Variants in MLLT3 observed in about 807,000 individuals in gnomAD.
MLLT3 encodes MLLT3 super elongation complex subunit.
A neutral mutation model predicts 53.2 loss-of-function variants in MLLT3; 4 were observed. The ratio of observed to expected loss-of-function variants is 0.08; its 90% confidence interval spans 0.04 to 0.17. The LOEUF (loss-of-function observed/expected upper bound fraction) is 0.17. MLLT3 is among the 10% of genes least tolerant of loss of function. The probability of loss-of-function intolerance (pLI) is 1.00; values close to 1 mark genes in which losing one functional copy is unlikely to be tolerated. For missense variants in MLLT3, 569 were observed against 684.0 expected (o/e 0.83, Z 1.87); for synonymous variants, 283 against 230.6 (o/e 1.23, Z -2.06).
In MLLT3 at chr9:20,349,820, A is replaced by G. The variant is rs560656210; in HGVS notation, c.1576-3246T>C. On this transcript the variant is annotated intron_variant, in intron 10 of 10. Coordinates refer to ENST00000380338, the MANE Select transcript of MLLT3 (RefSeq NM_004529.4). ...CCCGGCCTGCAGCCACACATGCACAACAATATAAAGGGGATCTGATAAATC... is the reference window on the plus strand; with the variant it reads ...CCCGGCCTGCAGCCACACATGCACAGCAATATAAAGGGGATCTGATAAATC... 1.7e-3 allele frequency among the ~76,000 whole-genome samples: 254 copies of G among 152,206 alleles called. 1 individual carries two copies. Among genetic ancestry groups the G allele is most frequent in the Non-Finnish European group, 2.0e-3 (138 of 68,038 alleles).
In MLLT3 at chr9:20,578,195, C is replaced by T. The variant is rs530848932; in HGVS notation, c.193+42459G>A. Among the ~76,000 whole-genome samples, 7 of 152,302 alleles carry T rather than the reference C, an allele frequency of 4.6e-5. No homozygotes were observed. In the South Asian group the frequency reaches 1.5e-3, roughly 32 times the overall value. On this transcript the variant is annotated intron_variant, in intron 2 of 10. Transcript: ENST00000380338. ...CAGTCAGCTCTTCTGCTGACCTTGA[C>T]TAAATAAGAATGTAAGAACTGCTAG...
chr9:20,392,252 A>T (rs1822203292), intron 5 of MLLT3, among the ~76,000 whole-genome samples: 1 of 152,202 alleles, frequency 6.6e-6, no homozygotes, highest in African/African-American at 2.4e-5. Flanking sequence ...TGGTAATTGT[A>T]AGAACCTTCA....
intron 5 of MLLT3, among the ~76,000 whole-genome samples, chr9:20,387,692 A>G (rs892901291): frequency 1.3e-5 from 2 of 152,222 alleles, no homozygotes; most frequent in Admixed American, 6.5e-5. Flanking sequence ...TATACAAATG[A>G]AAGTCTCATC....
At position 20,622,336 on chromosome 9, in the gene MLLT3, G is replaced by C. The variant is rs1039219084; in HGVS notation, c.-80C>G. The C allele has an allele frequency of 3.7e-5, 50 of 1,340,804 alleles. No homozygotes were observed. The Admixed American group carries it at 1.1e-3, about 30-fold the overall frequency. 83.1% of individuals were successfully genotyped at this position (1,340,804 alleles called of 1,614,324 possible). On this transcript the variant is annotated 5_prime_UTR_variant, in exon 1 of 11. Coordinates refer to ENST00000380338, the MANE Select transcript of MLLT3 (RefSeq NM_004529.4). ...CCCCCCCTCAGCTGTAATTCATGAAGAGGCTGCTATGAATGAGAGCGCGCC... is the reference window on the plus strand; with the variant it reads ...CCCCCCCTCAGCTGTAATTCATGAACAGGCTGCTATGAATGAGAGCGCGCC...
intron 3 of MLLT3, among the ~76,000 whole-genome samples, chr9:20,449,157 C>T (rs574993602): frequency 6.6e-6 from 1 of 152,156 alleles, no homozygotes; most frequent in Non-Finnish European, 1.5e-5. Flanking sequence ...CTCACCCTTG[C>T]CACGTCTTAG....
chr9:20,591,783 GA>G (rs1411450517), intron 2 of MLLT3, among the ~76,000 whole-genome samples: 2 of 152,192 alleles, frequency 1.3e-5, no homozygotes, highest in Non-Finnish European at 2.9e-5. Context: ...ACAACCATGT[GA>G]AAGATGGTTT....
chr9:20,531,497 T>C (rs1363928351), intron 2 of MLLT3, among the ~76,000 whole-genome samples: 1 of 152,208 alleles, frequency 6.6e-6, no homozygotes, highest in Non-Finnish European at 1.5e-5. Flanking sequence ...GCCTTTGTTT[T>C]AATTCTCTGT....
chr9:20,537,601 C>T (rs1451746307), intron 2 of MLLT3, among the ~76,000 whole-genome samples: 1 of 152,064 alleles, frequency 6.6e-6, no homozygotes, highest in Non-Finnish European at 1.5e-5. Context: ...TCAAACAAAT[C>T]CTTGGTTCCA....
intron 4 of MLLT3, among the ~76,000 whole-genome samples, chr9:20,436,457 A>G (rs866001567): frequency 6.6e-6 from 1 of 152,174 alleles, no homozygotes; most frequent in South Asian, 2.1e-4. Flanking sequence ...GTTGCTGCCA[A>G]CCAGTGAACT....
At chr9:20,423,719 C>T (rs886518789) in intron 4 of MLLT3, among the ~76,000 whole-genome samples, 5 of 150,486 alleles carry the variant, frequency 3.3e-5, no homozygotes, top group Admixed American at 1.3e-4. Context: ...GAGGCTAAGG[C>T]GGGTGGATAT....
intron 2 of MLLT3, among the ~76,000 whole-genome samples, chr9:20,503,863 T>C (rs527393450): frequency 6.6e-6 from 1 of 151,674 alleles, no homozygotes; most frequent in South Asian, 2.1e-4. Context: ...AGCAAGAAAA[T>C]AAATAACCTG....
At chr9:20,423,650 A>AT (rs1437918064) in intron 4 of MLLT3, among the ~76,000 whole-genome samples, 1 of 141,098 alleles carries the variant, frequency 7.1e-6, no homozygotes, top group Non-Finnish European at 1.5e-5. Context: ...CTATCTCTAC[A>AT]TTAAAAAAAA....
At position 20,456,770 on chromosome 9, in the gene MLLT3, A is replaced by C. The variant is rs772326559; in HGVS notation, c.210T>G (p.Pro70=). ...PRPKRVCKDP[P]YKVEESGYAG... ...CATACCCAGATTCTTCTACTTTGTA[A>C]GGTGGATCTTTGCACACTGCAACAT... The change falls in exon 3 of 11, where the codon CCT becomes CCG. Residue 70 remains proline (P), a synonymous_variant. Transcript: ENST00000380338. The C allele has an allele frequency of 8.1e-6, 13 of 1,600,562 alleles. No homozygotes were observed. The South Asian group carries it at 1.3e-4, about 15-fold the overall frequency.
intron 2 of MLLT3, among the ~76,000 whole-genome samples, chr9:20,510,458 C>A (rs149312568): frequency 6.6e-6 from 1 of 151,688 alleles, no homozygotes; most frequent in African/African-American, 2.4e-5. Context: ...TAAAAATACA[C>A]AAAATTAGCC....
At chr9:20,514,469 C>T (rs944242749) in intron 2 of MLLT3, among the ~76,000 whole-genome samples, 2 of 152,054 alleles carry the variant, frequency 1.3e-5, no homozygotes, top group African/African-American at 4.8e-5. Flanking sequence ...TAATATTCAA[C>T]AAAATGATAT....
intron 5 of MLLT3, among the ~76,000 whole-genome samples, chr9:20,408,605 C>T (rs1401277529): frequency 6.6e-6 from 1 of 152,118 alleles, no homozygotes; most frequent in Admixed American, 6.5e-5. Flanking sequence ...CCAGGGCAGC[C>T]CTTTAATGAA....
intron 4 of MLLT3, among the ~76,000 whole-genome samples, chr9:20,428,230 A>C (rs1823183785): frequency 6.6e-6 from 1 of 152,108 alleles, no homozygotes; most frequent in Non-Finnish European, 1.5e-5. Flanking sequence ...GTAAAACCAG[A>C]AAAAACACTT....
At chr9:20,567,912 A>C (rs1253124207) in intron 2 of MLLT3, among the ~76,000 whole-genome samples, 5 of 151,948 alleles carry the variant, frequency 3.3e-5, no homozygotes, top group Non-Finnish European at 5.9e-5. Flanking sequence ...CTTACCCTCC[A>C]CCCCACTCAC....
intron 4 of MLLT3, among the ~76,000 whole-genome samples, 160 bp downstream of exon 4, chr9:20,447,963 C>T (rs990537124): frequency 6.6e-6 from 1 of 152,078 alleles, no homozygotes; most frequent in African/African-American, 2.4e-5. Flanking sequence ...CTGTTCATCT[C>T]AACACATGAA....
Sources: gnomAD v4.1 joint callset for allele counts (sites outside exome capture counted in the v4.1 genomes callset) on GRCh38, gnomAD v4.1.1 for gene constraint, MANE v1.5 for transcripts, NCBI Gene and HGNC (gene_info 2026-07-23, HGNC 2026-07-21) for gene names.